Variants in CDH8 observed in about 807,000 individuals in gnomAD.
The protein encoded by CDH8 is cadherin 8, also known as cadherin-8.
A neutral mutation model predicts 68.1 loss-of-function variants in CDH8; 17 were observed. The observed-to-expected ratio is 0.25, with a 90% CI of 0.17 to 0.37. The LOEUF (loss-of-function observed/expected upper bound fraction) is 0.37. Among genes scored for constraint, CDH8 ranks in the 10% least tolerant of loss-of-function variants. The pLI is 1.00. For synonymous variants in CDH8, 372 were observed against 365.1 expected (o/e 1.02, Z -0.21); for missense variants, 763 against 999.3 (o/e 0.76, Z 3.19).
At chr16:62,005,813 G>A (rs1234282370) in intron 2 of CDH8, among the ~76,000 whole-genome samples, 1 of 151,764 alleles carries the variant, frequency 6.6e-6, no homozygotes, top group East Asian at 1.9e-4. Flanking sequence ...ATATTTGCCA[G>A]TGTAAGTAGG....
At chr16:61,997,333 A>G (rs1317113154) in intron 2 of CDH8, among the ~76,000 whole-genome samples, 1 of 152,192 alleles carries the variant, frequency 6.6e-6, no homozygotes, top group African/African-American at 2.4e-5. Flanking sequence ...CATGCCATCG[A>G]AGAGATCCCA....
At chr16:61,871,815 C>CAAAAAA (rs144379377) in intron 3 of CDH8, among the ~76,000 whole-genome samples, 20 of 43,344 alleles carry the variant, frequency 4.6e-4, no homozygotes, top group African/African-American at 6.0e-4. Context: ...GTTCTATATG[C>CAAAAAA]AAAAAAAAAA....
intron 9 of CDH8, among the ~76,000 whole-genome samples, chr16:61,717,377 G>C (rs1964751463): frequency 6.6e-6 from 1 of 151,502 alleles, no homozygotes; most frequent in Admixed American, 6.6e-5. Context: ...CTACAGATTT[G>C]AAATTAAATA....
intron 6 of CDH8, among the ~76,000 whole-genome samples, chr16:61,818,394 C>T (rs1962129590): frequency 6.6e-6 from 1 of 152,102 alleles, no homozygotes. Context: ...GAAATATGTG[C>T]ACCGATACAT....
At chr16:62,033,862 G>A (rs938379622) in intron 1 of CDH8, among the ~76,000 whole-genome samples, 10 of 112,614 alleles carry the variant, frequency 8.9e-5, no homozygotes, top group Non-Finnish European at 1.8e-4. Context: ...CTTCTTCAGA[G>A]TCCAGAAAAA....
chr16:61,814,202 G>A lies in CDH8; in HGVS notation c.1277+3277C>T, dbSNP rs190788580. Among the ~76,000 whole-genome samples, 27 of 152,282 alleles carry A rather than the reference G, an allele frequency of 1.8e-4. No individual in the cohort carries two copies. The East Asian group carries it at 5.2e-3, about 29-fold the overall frequency. ...AGAGAATTCCAGAGACTAGTTCTCCGACTGGGAAGTAGTAGTGATATGATT... is the reference window on the plus strand; with the variant it reads ...AGAGAATTCCAGAGACTAGTTCTCCAACTGGGAAGTAGTAGTGATATGATT... On this transcript the variant is annotated intron_variant, in intron 7 of 11. Coordinates refer to ENST00000577390, the MANE Select transcript of CDH8 (RefSeq NM_001796.5).
intron 10 of CDH8, chr16:61,667,359 C>A (rs1963700683): frequency 6.6e-6 from 1 of 151,852 alleles, no homozygotes; most frequent in African/African-American, 2.4e-5. Flanking sequence ...TAGACTAACA[C>A]CAAACTGAAT....
chr16:62,006,065 T>C (rs16964164), intron 2 of CDH8, among the ~76,000 whole-genome samples: 68,711 of 152,038 alleles, frequency 0.45, 18,240 homozygotes, highest in East Asian at 0.66. Flanking sequence ...GTAATGCTGA[T>C]GGATTCACAA....
chr16:61,690,796 C>T (rs149421167), intron 10 of CDH8, among the ~76,000 whole-genome samples: 3,372 of 152,080 alleles, frequency 0.022, 67 homozygotes, highest in Non-Finnish European at 0.033. Context: ...ATCTTTGAAA[C>T]ATTTTTCCTA....
intron 2 of CDH8, among the ~76,000 whole-genome samples, chr16:62,011,420 C>T (rs192652192): frequency 4.5e-4 from 69 of 152,296 alleles, no homozygotes; most frequent in African/African-American, 1.6e-3. Flanking sequence ...TCATCACCTA[C>T]CACATGGGGT....
At chr16:62,021,020 C>T (rs1461499192) in intron 2 of CDH8, 132 bp downstream of exon 2, 4 of 774,988 alleles carry the variant, frequency 5.2e-6, no homozygotes, top group Non-Finnish European at 2.1e-6. Flanking sequence ...AACAGAACGA[C>T]AGGTAAACTC....
At chr16:61,968,586 T>C (rs1567550088) in intron 2 of CDH8, among the ~76,000 whole-genome samples, 2 of 152,380 alleles carry the variant, frequency 1.3e-5, no homozygotes, top group East Asian at 1.9e-4. Context: ...GCTTTTAGTA[T>C]AAAAACTACC....
At chr16:61,912,157 G>A (rs930928171) in intron 2 of CDH8, among the ~76,000 whole-genome samples, 4 of 152,086 alleles carry the variant, frequency 2.6e-5, no homozygotes, top group Non-Finnish European at 2.9e-5. Flanking sequence ...ATGAAATTCC[G>A]TATTTATAAA....
At chr16:61,902,439 A>T (rs1193958019) in intron 2 of CDH8, among the ~76,000 whole-genome samples, 1 of 152,120 alleles carries the variant, frequency 6.6e-6, no homozygotes, top group Non-Finnish European at 1.5e-5. Flanking sequence ...AAATAAAACA[A>T]TAATATATGT....
chr16:61,769,987 A>T (rs1960735813), intron 8 of CDH8, among the ~76,000 whole-genome samples: 1 of 151,880 alleles, frequency 6.6e-6, no homozygotes, highest in Non-Finnish European at 1.5e-5. Context: ...ATGTTTGCCC[A>T]TCTATCACAC....
intron 4 of CDH8, among the ~76,000 whole-genome samples, chr16:61,853,688 C>T (rs192529720): frequency 2.0e-5 from 3 of 152,204 alleles, no homozygotes; most frequent in Admixed American, 2.0e-4. Context: ...TAGGTGCTCT[C>T]AGAGGTATGT....
chr16:61,828,553 G>A (rs190046917), intron 4 of CDH8, among the ~76,000 whole-genome samples: 1 of 151,390 alleles, frequency 6.6e-6, no homozygotes, highest in Non-Finnish European at 1.5e-5. Flanking sequence ...AACATTCTAG[G>A]CTACCTGGTT....
intron 1 of CDH8, among the ~76,000 whole-genome samples, chr16:62,023,911 GTTTA>G (rs1597132760): frequency 6.6e-6 from 1 of 152,240 alleles, no homozygotes; most frequent in East Asian, 1.9e-4. Flanking sequence ...AGTTTTGTTT[GTTTA>G]TTTGTTTACT....
intron 8 of CDH8, among the ~76,000 whole-genome samples, chr16:61,731,416 A>G (rs1959532968): frequency 6.6e-6 from 1 of 151,726 alleles, no homozygotes; most frequent in Non-Finnish European, 1.5e-5. Context: ...GACGCTTTTG[A>G]ATACAGTTGA....
Sources: gnomAD v4.1 joint callset for allele counts (sites outside exome capture counted in the v4.1 genomes callset) on GRCh38, gnomAD v4.1.1 for gene constraint, MANE v1.5 for transcripts, NCBI Gene and HGNC (gene_info 2026-07-23, HGNC 2026-07-21) for gene names.